The following CSMD1 variants were observed in gnomAD, a reference collection of about 807,000 sequenced individuals.
The protein encoded by CSMD1 is CUB and sushi domain-containing protein 1.
CSMD1 carries 213 observed loss-of-function variants against 417.5 expected under a neutral mutation model. That is an observed-to-expected ratio of 0.51 (90% CI 0.46 to 0.57). The LOEUF is 0.57. Ranked by LOEUF, CSMD1 falls within the 20% of genes least tolerant of loss-of-function variation. The pLI is 0.00. For missense variants in CSMD1, 6,923 were observed against 4,529.7 expected, an observed-to-expected ratio of 1.53 and a Z score of -15.17; for synonymous variants, 2,862 against 1,736.8, an observed-to-expected ratio of 1.65 and a Z score of -16.11.
At chr8:4,375,702 C>T (rs409673) in intron 3 of CSMD1, among the ~76,000 whole-genome samples, 3 of 152,128 alleles carry the variant, frequency 2.0e-5, no homozygotes, top group Non-Finnish European at 4.4e-5. Flanking sequence ...AATTAAAGGT[C>T]TGCATGACTG....
intron 2 of CSMD1, among the ~76,000 whole-genome samples, chr8:4,505,656 G>C (rs1423636419): frequency 6.6e-6 from 1 of 152,132 alleles, no homozygotes; most frequent in African/African-American, 2.4e-5. Flanking sequence ...GCAGTCCAGT[G>C]TCCATGTTGC....
At chr8:3,681,221 T>C (rs1799645040) in intron 7 of CSMD1, among the ~76,000 whole-genome samples, 1 of 152,160 alleles carries the variant, frequency 6.6e-6, no homozygotes, top group African/African-American at 2.4e-5. Context: ...ATAAAGGATA[T>C]TCAATTAGGA....
intron 7 of CSMD1, among the ~76,000 whole-genome samples, chr8:3,666,199 T>C (rs1157066829): frequency 1.3e-5 from 2 of 152,176 alleles, no homozygotes; most frequent in Admixed American, 1.3e-4. Flanking sequence ...CTTGGCTTGA[T>C]GCTTTGTTTT....
At position 2,998,177 on chromosome 8, in the gene CSMD1, T is replaced by A. The variant is rs114511299; in HGVS notation, c.8211A>T (p.Thr2737=). 737 of 1,613,918 alleles carry A rather than the reference T, an allele frequency of 4.6e-4. 3 individuals are homozygous for A. The African/African-American group carries it at 8.8e-3, about 19-fold the overall frequency. Residue 2737 remains threonine (T), a synonymous_variant, in exon 54 of 70, where the codon ACA becomes ACT. Coordinates refer to ENST00000635120, the MANE Select transcript of CSMD1 (RefSeq NM_033225.6). ...SGQTPVCVPI[T]CGHPGNPAHG... ...GGGCAGGGTTTCCAGGGTGACCACA[T>A]GTGATGGCTGTAGAGAGACAGGTCA...
chr8:3,499,348 T>C (rs4242515), intron 10 of CSMD1, among the ~76,000 whole-genome samples: 15,466 of 152,162 alleles, frequency 0.1, 934 homozygotes, highest in East Asian at 0.22. Flanking sequence ...ATGGAGACTT[T>C]GGGGTGGCCT....
intron 2 of CSMD1, among the ~76,000 whole-genome samples, chr8:4,613,852 TCTAATGCC>T (rs1247955825): frequency 7.9e-6 from 1 of 127,140 alleles, no homozygotes; most frequent in Non-Finnish European, 1.6e-5. Flanking sequence ...CAGAAGGCTG[TCTAATGCC>T]AAAAAAAAAA....
chr8:3,443,678 CAA>C (rs564106407), intron 12 of CSMD1, among the ~76,000 whole-genome samples: 3 of 152,022 alleles, frequency 2.0e-5, no homozygotes, highest in Non-Finnish European at 4.4e-5. Context: ...CACAATAAAA[CAA>C]AATTATTTTA....
At chr8:3,611,012 C>G (rs985820282) in intron 8 of CSMD1, among the ~76,000 whole-genome samples, 14 of 140,592 alleles carry the variant, frequency 1.0e-4, no homozygotes, top group Non-Finnish European at 7.5e-5. Flanking sequence ...TGTTCTCACT[C>G]ATAGGTGGGA....
At chr8:4,003,174 A>C (rs1815831581) in intron 4 of CSMD1, among the ~76,000 whole-genome samples, 1 of 152,126 alleles carries the variant, frequency 6.6e-6, no homozygotes, top group African/African-American at 2.4e-5. Flanking sequence ...AGGGTGGATC[A>C]CGAGGTCAGG....
intron 69 of CSMD1, among the ~76,000 whole-genome samples, chr8:2,939,740 G>C (rs960046535): frequency 6.6e-6 from 1 of 152,226 alleles, no homozygotes. Flanking sequence ...ACATGGCTCT[G>C]AGAAAAAGGC....
In CSMD1 at chr8:4,093,828, G is replaced by A. The variant is rs1442566873; in HGVS notation, c.416-61729C>T. On this transcript the variant is annotated intron_variant, in intron 3 of 69. Coordinates refer to ENST00000635120, the MANE Select transcript of CSMD1 (RefSeq NM_033225.6). ...ATACAAAAAGTAGCTGGGTGTGGTGGTGCATGCCTGTAATCCCAGCAATCG... is the reference window on the plus strand; with the variant it reads ...ATACAAAAAGTAGCTGGGTGTGGTGATGCATGCCTGTAATCCCAGCAATCG... 2.6e-5 allele frequency among the ~76,000 whole-genome samples: 4 copies of A among 152,060 alleles called. No homozygotes were observed. The East Asian group carries it at 5.8e-4, about 22-fold the overall frequency.
chr8:4,121,952 A>G (rs1802510107), intron 3 of CSMD1, among the ~76,000 whole-genome samples: 1 of 152,096 alleles, frequency 6.6e-6, no homozygotes, highest in Non-Finnish European at 1.5e-5. Flanking sequence ...TGATTAGTGA[A>G]TTTAAATTTT....
At chr8:4,661,090 C>T (rs918204224) in intron 1 of CSMD1, among the ~76,000 whole-genome samples, 5 of 152,156 alleles carry the variant, frequency 3.3e-5, no homozygotes, top group African/African-American at 1.2e-4. Context: ...CTGCAACTAT[C>T]ATACAACCTA....
chr8:3,945,283 T>C lies in CSMD1; in HGVS notation c.818+52620A>G, dbSNP rs185122893. ...AACAATACATTCTCCATCATGTAAATTGAAATAATCACTAGTTTAATAAGA... is the reference window on the plus strand; with the variant it reads ...AACAATACATTCTCCATCATGTAAACTGAAATAATCACTAGTTTAATAAGA... On this transcript the variant is annotated intron_variant, in intron 5 of 69. Coordinates refer to ENST00000635120, the MANE Select transcript of CSMD1 (RefSeq NM_033225.6). Among the ~76,000 whole-genome samples the C allele has an allele frequency of 1.4e-3, 207 of 151,770 alleles. 1 individual carries two copies. The highest frequency in any genetic ancestry group is 2.5e-3 in the South Asian group (12 of 4,812).
chr8:3,171,266 C>T (rs1340971834), intron 37 of CSMD1, among the ~76,000 whole-genome samples: 3 of 152,224 alleles, frequency 2.0e-5, no homozygotes, highest in Admixed American at 1.3e-4. Context: ...GCTTCTACTT[C>T]ATTTTTACTT....
At chr8:3,917,816 T>TTGTG (rs1402040023) in intron 5 of CSMD1, among the ~76,000 whole-genome samples, 1 of 152,140 alleles carries the variant, frequency 6.6e-6, no homozygotes, top group Non-Finnish European at 1.5e-5. Flanking sequence ...GCAATATTAG[T>TTGTG]TGTGTGTATG....
chr8:3,409,340 G>T (rs1275114185), intron 13 of CSMD1, 83 bp downstream of exon 13: 7 of 1,289,802 alleles, frequency 5.4e-6, no homozygotes, highest in African/African-American at 1.5e-5. Flanking sequence ...TCCCTAAATG[G>T]GCGGTCTGTG....
At chr8:4,288,750 A>G (rs1054394743) in intron 3 of CSMD1, among the ~76,000 whole-genome samples, 1 of 152,020 alleles carries the variant, frequency 6.6e-6, no homozygotes, top group African/African-American at 2.4e-5. Flanking sequence ...CAGATGGTCA[A>G]CCTCCCAACT....
chr8:3,313,057 A>G (rs1451290906), intron 23 of CSMD1, among the ~76,000 whole-genome samples: 3 of 152,206 alleles, frequency 2.0e-5, no homozygotes, highest in African/African-American at 7.2e-5. Flanking sequence ...TGACAACATA[A>G]AATTCTATGA....
Sources: allele counts gnomAD v4.1 joint callset (sites outside exome capture counted in the v4.1 genomes callset), GRCh38; gene constraint gnomAD v4.1.1; transcripts MANE v1.5; gene names NCBI Gene and HGNC (gene_info 2026-07-23, HGNC 2026-07-21).